The following KIF26B variants were observed in gnomAD, a reference collection of about 807,000 sequenced individuals.
The protein encoded by KIF26B is kinesin-like protein KIF26B.
In KIF26B, 63 loss-of-function variants were observed where a neutral mutation model predicts 151.2. That is an observed-to-expected ratio of 0.42 (90% CI 0.34 to 0.51). The LOEUF is 0.51. Among genes scored for constraint, KIF26B ranks in the 20% least tolerant of loss-of-function variants. The pLI is 0.07. For missense variants in KIF26B, 2,813 were observed against 2,913.6 expected, an observed-to-expected ratio of 0.97 and a Z score of 0.79; for synonymous variants, 1,357 against 1,262.1, an observed-to-expected ratio of 1.08 and a Z score of -1.59.
At chr1:245,184,711 T>C (rs528706878) in intron 2 of KIF26B, among the ~76,000 whole-genome samples, 1 of 152,362 alleles carries the variant, frequency 6.6e-6, no homozygotes, top group East Asian at 1.9e-4. Context: ...TTCTCATTGA[T>C]GCAATTAAAA....
intron 2 of KIF26B, among the ~76,000 whole-genome samples, chr1:245,240,360 T>G (rs906865795): frequency 6.6e-6 from 1 of 152,202 alleles, no homozygotes; most frequent in African/African-American, 2.4e-5. Context: ...CAGTCGCACC[T>G]TAGTGTATAT....
intron 5 of KIF26B, among the ~76,000 whole-genome samples, chr1:245,544,429 C>T (rs1661693077): frequency 2.6e-5 from 4 of 152,114 alleles, no homozygotes; most frequent in Non-Finnish European, 5.9e-5. Context: ...GTCACCCAGC[C>T]GGACCACTGC....
Position 245,451,585 on chromosome 1 carries a change from C to CTTTTTTTTTTTTTTTTTT in KIF26B, c.1166+31851_1166+31868dup, listed in dbSNP as rs58192966. On this transcript the variant is annotated intron_variant, in intron 4 of 14. Coordinates refer to ENST00000407071, the MANE Select transcript of KIF26B (RefSeq NM_018012.4). ...TATAATATGTATCCAGAAGATCTAT[C>CTTTTTTTTTTTTTTTTTT]TTTTTTTTTTTTTTTTTTTTTTTTT... Among the ~76,000 whole-genome samples, 14 of 58,754 alleles carry CTTTTTTTTTTTTTTTTTT rather than the reference C, an allele frequency of 2.4e-4. 3 individuals carry two copies. The highest frequency in any genetic ancestry group is 8.5e-4 in the African/African-American group (12 of 14,090). The allele number at this position is 58,754 out of a possible 152,430, so 38.5% of individuals were successfully genotyped here.
rs1190796886 is a variant in KIF26B at position 245,708,579 on chromosome 1, A to AT, written c.*5974dup. 6.6e-6 allele frequency: 1 copy of AT among 152,196 alleles called. No individual in the cohort carries two copies. The highest frequency in any genetic ancestry group is 1.5e-5 in the Non-Finnish European group (1 of 68,054). 9.4% of individuals were successfully genotyped at this position (152,196 alleles called of 1,614,324 possible). ...CTTTGCCAGTCGTCCCGTCCGTGAT[A>AT]TATTCCATAGGACAGAAAACCTGAG... On this transcript the variant is annotated 3_prime_UTR_variant, in exon 15 of 15. Coordinates refer to ENST00000407071, the MANE Select transcript of KIF26B (RefSeq NM_018012.4).
intron 3 of KIF26B, among the ~76,000 whole-genome samples, chr1:245,382,301 C>T (rs1673429957): frequency 6.6e-6 from 1 of 151,416 alleles, no homozygotes; most frequent in African/African-American, 2.4e-5. Flanking sequence ...CTGCGTTTCC[C>T]TCATCATGAG....
intron 2 of KIF26B, among the ~76,000 whole-genome samples, chr1:245,177,719 C>T (rs912275691): frequency 2.6e-5 from 4 of 151,066 alleles, no homozygotes; most frequent in South Asian, 2.1e-4. Context: ...CTTCTGGTGA[C>T]GGATAATGGT....
intron 6 of KIF26B, among the ~76,000 whole-genome samples, chr1:245,607,449 T>G (rs1035498817): frequency 6.6e-6 from 1 of 152,214 alleles, no homozygotes; most frequent in Non-Finnish European, 1.5e-5. Context: ...GCAGTGCATG[T>G]GCATAATGCT....
chr1:245,547,784 A>G (rs1661781356), intron 5 of KIF26B, among the ~76,000 whole-genome samples: 1 of 152,126 alleles, frequency 6.6e-6, no homozygotes, highest in Admixed American at 6.5e-5. Context: ...TACATATAAA[A>G]TACTCATTTT....
In KIF26B at chr1:245,450,603, A is replaced by G. The variant is rs569872987; in HGVS notation, c.1166+30858A>G. On this transcript the variant is annotated intron_variant, in intron 4 of 14. Transcript: ENST00000407071. Reference sequence around the variant, plus strand: ...GTTGGTGCCTTTGGTAAATAATTCCATTTCATTGTGACTTCATCTTCTCAT... The same window carrying G: ...GTTGGTGCCTTTGGTAAATAATTCCGTTTCATTGTGACTTCATCTTCTCAT... Among the ~76,000 whole-genome samples, 4 of 152,236 alleles carry G rather than the reference A, an allele frequency of 2.6e-5. No homozygotes were observed. In the South Asian group the frequency reaches 8.3e-4, roughly 32 times the overall value.
chr1:245,704,970 C>T lies in KIF26B; in HGVS notation c.*2364C>T, dbSNP rs1169320194. 1.3e-5 allele frequency: 2 copies of T among 152,246 alleles called. No individual in the cohort carries two copies. The highest frequency in any genetic ancestry group is 2.9e-5 in the Non-Finnish European group (2 of 68,064). The allele number at this position is 152,246 out of a possible 1,614,324, so 9.4% of individuals were successfully genotyped here. On this transcript the variant is annotated 3_prime_UTR_variant, in exon 15 of 15. Transcript: ENST00000407071. ...GGCTTTCGCCCCTGCCACATCCTCC[C>T]CTGAGGTTCCTTCCATGCTGCACTG...
chr1:245,550,508 G>A (rs1009255769), intron 5 of KIF26B, among the ~76,000 whole-genome samples: 3 of 152,318 alleles, frequency 2.0e-5, no homozygotes, highest in South Asian at 2.1e-4. Flanking sequence ...TAGCAGCAGC[G>A]TCGGCACTAC....
At chr1:245,378,515 A>G (rs961585143) in intron 3 of KIF26B, among the ~76,000 whole-genome samples, 2 of 152,204 alleles carry the variant, frequency 1.3e-5, no homozygotes, top group African/African-American at 4.8e-5. Context: ...CTTGTGTGTT[A>G]GAGGTCTGCC....
chr1:245,460,782 C>A lies in KIF26B; in HGVS notation c.1166+41037C>A, dbSNP rs571898552. Reference sequence around the variant, plus strand: ...GTATGTGCACCTGCACACATGTGTGCTTACACGCAGCTCAAAACGGTGCCA... The same window carrying A: ...GTATGTGCACCTGCACACATGTGTGATTACACGCAGCTCAAAACGGTGCCA... On this transcript the variant is annotated intron_variant, in intron 4 of 14. Coordinates refer to ENST00000407071, the MANE Select transcript of KIF26B (RefSeq NM_018012.4). Among the ~76,000 whole-genome samples, 6 of 152,348 alleles carry A rather than the reference C, an allele frequency of 3.9e-5. No individual in the cohort carries two copies. The South Asian group carries it at 1.2e-3, about 32-fold the overall frequency.
At chr1:245,561,423 A>G (rs2042947923) in intron 5 of KIF26B, among the ~76,000 whole-genome samples, 1 of 152,174 alleles carries the variant, frequency 6.6e-6, no homozygotes, top group South Asian at 2.1e-4. Context: ...CTGTTTTCTA[A>G]GGGGCCAGGT....
intron 9 of KIF26B, among the ~76,000 whole-genome samples, chr1:245,618,756 A>C (rs113713290): frequency 3.9e-5 from 3 of 76,998 alleles, no homozygotes; most frequent in African/African-American, 1.1e-4. Flanking sequence ...AGCCCTATTA[A>C]ACTATGGGTT....
chr1:245,224,754 ATTATACAG>A (rs1669842043), intron 2 of KIF26B, among the ~76,000 whole-genome samples: 1 of 152,192 alleles, frequency 6.6e-6, no homozygotes, highest in Admixed American at 6.5e-5. Flanking sequence ...TGTGTAGGAT[ATTATACAG>A]TTATACACAG....
intron 2 of KIF26B, among the ~76,000 whole-genome samples, chr1:245,333,859 A>G (rs1672167933): frequency 6.6e-6 from 1 of 152,104 alleles, no homozygotes; most frequent in Non-Finnish European, 1.5e-5. Context: ...TTAGCCAGGC[A>G]TGGTGGTGGG....
At chr1:245,292,903 G>A (rs1188870109) in intron 2 of KIF26B, among the ~76,000 whole-genome samples, 1 of 152,116 alleles carries the variant, frequency 6.6e-6, no homozygotes, top group Non-Finnish European at 1.5e-5. Context: ...TAACCTTGTG[G>A]CCCAAACTGC....
chr1:245,427,934 A>G (rs1410570034), intron 4 of KIF26B, among the ~76,000 whole-genome samples: 1 of 152,192 alleles, frequency 6.6e-6, no homozygotes, highest in Non-Finnish European at 1.5e-5. Flanking sequence ...TCACAGAACC[A>G]GGGCGCCCAA....
Sources: gnomAD v4.1 joint callset for allele counts (sites outside exome capture counted in the v4.1 genomes callset) on GRCh38, gnomAD v4.1.1 for gene constraint, MANE v1.5 for transcripts, NCBI Gene and HGNC (gene_info 2026-07-23, HGNC 2026-07-21) for gene names.